Variants in NCOA2 observed in about 807,000 individuals in gnomAD.
The protein encoded by NCOA2 is nuclear receptor coactivator 2.
NCOA2 carries 21 observed loss-of-function variants against 145.1 expected under a neutral mutation model. The ratio of observed to expected loss-of-function variants is 0.14; its 90% CI spans 0.10 to 0.21. NCOA2 has a LOEUF of 0.21. NCOA2 is among the 10% of genes least tolerant of loss of function. The pLI is 1.00. For synonymous variants in NCOA2, 619 were observed against 637.5 expected (o/e 0.97, Z 0.44); for missense variants, 1,472 against 1,837.6 (o/e 0.80, Z 3.64).
At chr8:70,332,505 G>C (rs1238053740) in intron 1 of NCOA2, among the ~76,000 whole-genome samples, 2 of 152,100 alleles carry the variant, frequency 1.3e-5, no homozygotes, top group Non-Finnish European at 2.9e-5. Context: ...GAAGTTGATA[G>C]AAAAGTCTGC....
intron 19 of NCOA2, 39 bp downstream of exon 19, chr8:70,126,774 A>T (rs770087097): frequency 6.5e-7 from 1 of 1,545,668 alleles, no homozygotes; most frequent in South Asian, 1.1e-5. Context: ...ACTGGGGAGA[A>T]AGGACTGGTG....
chr8:70,402,248 G>T (rs1297681850), intron 1 of NCOA2: 1 of 152,438 alleles, frequency 6.6e-6, no homozygotes, highest in Admixed American at 6.5e-5. Context: ...GGTGGGAGGG[G>T]AAGGCGTCGG....
At chr8:70,248,712 G>A (rs1464987004) in intron 2 of NCOA2, among the ~76,000 whole-genome samples, 1 of 151,908 alleles carries the variant, frequency 6.6e-6, no homozygotes, top group African/African-American at 2.4e-5. Context: ...TAAGTGCTAT[G>A]CAAATAGTTG....
intron 1 of NCOA2, among the ~76,000 whole-genome samples, chr8:70,363,340 G>A (rs1024153329): frequency 1.3e-5 from 2 of 150,442 alleles, no homozygotes; most frequent in African/African-American, 2.4e-5. Context: ...CAGAGATCAC[G>A]CCACTGCATT....
At chr8:70,305,596 G>A (rs1326362872) in intron 1 of NCOA2, among the ~76,000 whole-genome samples, 1 of 152,040 alleles carries the variant, frequency 6.6e-6, no homozygotes, top group Non-Finnish European at 1.5e-5. Flanking sequence ...CTGCCTGCCT[G>A]CTAGGCAGCA....
At chr8:70,220,559 T>C (rs1325332807) in intron 2 of NCOA2, among the ~76,000 whole-genome samples, 1 of 152,206 alleles carries the variant, frequency 6.6e-6, no homozygotes, top group South Asian at 2.1e-4. Flanking sequence ...TTACGATTAG[T>C]AAGTTTTATC....
intron 13 of NCOA2, among the ~76,000 whole-genome samples, chr8:70,142,572 G>A (rs143595416): frequency 6.6e-6 from 1 of 152,220 alleles, no homozygotes; most frequent in African/African-American, 2.4e-5. Context: ...GGTGGCAGAT[G>A]CCTGTAGTCC....
At chr8:70,324,161 C>T (rs1464190693) in intron 1 of NCOA2, among the ~76,000 whole-genome samples, 1 of 152,172 alleles carries the variant, frequency 6.6e-6, no homozygotes, top group East Asian at 1.9e-4. Flanking sequence ...CCAAATATCT[C>T]TATTTTCTCC....
chr8:70,189,989 C>T (rs1479054503), intron 4 of NCOA2, among the ~76,000 whole-genome samples: 2 of 152,144 alleles, frequency 1.3e-5, no homozygotes, highest in Non-Finnish European at 1.5e-5. Flanking sequence ...AGAGAATGAA[C>T]ATAGCAAAGC....
chr8:70,125,843 A>G, intron 19 of NCOA2, among the ~76,000 whole-genome samples: 1 of 152,232 alleles, frequency 6.6e-6, no homozygotes, highest in Non-Finnish European at 1.5e-5. Flanking sequence ...GAGAACTTTC[A>G]GCACACTTTT....
At chr8:70,177,912 C>T (rs560623672) in intron 4 of NCOA2, among the ~76,000 whole-genome samples, 6 of 152,272 alleles carry the variant, frequency 3.9e-5, no homozygotes, top group African/African-American at 1.2e-4. Context: ...GGTATCTATA[C>T]TAATGTTGCA....
At chr8:70,164,328 C>A (rs1330154622) in intron 7 of NCOA2, among the ~76,000 whole-genome samples, 1 of 152,116 alleles carries the variant, frequency 6.6e-6, no homozygotes, top group Non-Finnish European at 1.5e-5. Context: ...TCTGCACAGC[C>A]CTTTCCATTT....
chr8:70,266,866 TA>T (rs1174384465), intron 2 of NCOA2, among the ~76,000 whole-genome samples: 1 of 152,172 alleles, frequency 6.6e-6, no homozygotes, highest in Non-Finnish European at 1.5e-5. Context: ...TTTGTTAATG[TA>T]TATGTCAACC....
chr8:70,355,370 T>C (rs1037617698), intron 1 of NCOA2, among the ~76,000 whole-genome samples: 14 of 152,184 alleles, frequency 9.2e-5, no homozygotes, highest in African/African-American at 3.4e-4. Flanking sequence ...ATTTCCACTC[T>C]TTACTTTGAT....
intron 21 of NCOA2, among the ~76,000 whole-genome samples, chr8:70,122,601 C>T (rs1807948365): frequency 6.6e-6 from 1 of 152,166 alleles, no homozygotes; most frequent in African/African-American, 2.4e-5. Flanking sequence ...TCCAAATAAG[C>T]ATTTAACTGC....
At chr8:70,269,623 A>T (rs1270248517) in intron 2 of NCOA2, among the ~76,000 whole-genome samples, 1 of 152,212 alleles carries the variant, frequency 6.6e-6, no homozygotes, top group African/African-American at 2.4e-5. Context: ...AGGAAGAAAA[A>T]ATATGGAACA....
At chr8:70,389,478 CCATGTTGGT>C (rs1313313423) in intron 1 of NCOA2, among the ~76,000 whole-genome samples, 1 of 151,980 alleles carries the variant, frequency 6.6e-6, no homozygotes, top group Admixed American at 6.6e-5. Flanking sequence ...TGAGGGTTCT[CCATGTTGGT>C]CAGGCTGGTC....
At chr8:70,311,614 G>C (rs766816079) in intron 1 of NCOA2, among the ~76,000 whole-genome samples, 53 of 152,318 alleles carry the variant, frequency 3.5e-4, no homozygotes, top group Non-Finnish European at 6.2e-4. Flanking sequence ...AGATATTGAA[G>C]AATGTCTTAC....
chr8:70,268,411 G>A (rs1318797033), intron 2 of NCOA2, among the ~76,000 whole-genome samples: 1 of 152,082 alleles, frequency 6.6e-6, no homozygotes, highest in East Asian at 1.9e-4. Context: ...TACATGACAT[G>A]GCAACAAACA....
Sources: allele counts gnomAD v4.1 joint callset (sites outside exome capture counted in the v4.1 genomes callset), GRCh38; gene constraint gnomAD v4.1.1; transcripts MANE v1.5; gene names NCBI Gene and HGNC (gene_info 2026-07-23, HGNC 2026-07-21).